Variants in SECISBP2L observed in about 807,000 individuals in gnomAD.
The protein encoded by SECISBP2L is SECIS binding protein 2 like.
A neutral mutation model predicts 114.7 loss-of-function variants in SECISBP2L; 43 were observed. The observed-to-expected ratio is 0.38, with a 90% CI of 0.29 to 0.48. The LOEUF is 0.48. Among genes scored for constraint, SECISBP2L ranks in the 20% least tolerant of loss-of-function variants. The pLI, the probability that SECISBP2L is intolerant of heterozygous loss-of-function variation, is 0.98. For missense variants in SECISBP2L, 1,136 were observed against 1,301.1 expected, an observed-to-expected ratio of 0.87 and a Z score of 1.95; for synonymous variants, 451 against 439.7, an observed-to-expected ratio of 1.03 and a Z score of -0.32.
Position 48,990,662 on chromosome 15 carries a change from C to G in SECISBP2L, c.*1582G>C, listed in dbSNP as rs1901954842. 6.6e-6 allele frequency: 1 copy of G among 152,612 alleles called. No homozygotes were observed. Among genetic ancestry groups the G allele is most frequent in the African/African-American group, 2.4e-5 (1 of 41,452 alleles). 9.5% of individuals were successfully genotyped at this position (152,612 alleles called of 1,614,324 possible). On this transcript the variant is annotated 3_prime_UTR_variant, in exon 18 of 18. Coordinates refer to ENST00000559471, the MANE Select transcript of SECISBP2L (RefSeq NM_001193489.2). ...ATGCCAGCATTATAAAACATCAAAACTAGCACAGTAGTCCCAATGAGTTCA... is the reference window on the plus strand; with the variant it reads ...ATGCCAGCATTATAAAACATCAAAAGTAGCACAGTAGTCCCAATGAGTTCA...
At chr15:49,009,069 C>A in intron 14 of SECISBP2L, 147 bp downstream of exon 14, 1 of 763,288 alleles carries the variant, frequency 1.3e-6, no homozygotes, top group Non-Finnish European at 2.1e-6. Context: ...AAATAATAAA[C>A]CCAGCTGTTA....
Position 49,019,548 on chromosome 15 carries a change from C to A in SECISBP2L, c.1040G>T (p.Gly347Val). ...AGTACTGTGTCCTCGGCATCTGAAT[C>A]CAACCTAAGTAAACCCCAGAGGGGA... ...QTEQRNNSQV[G>V]FRCRGHSTSS... The change falls in exon 8 of 18, where the codon GGA (glycine) becomes GTA (valine). Residue 347 changes from glycine to valine, a missense_variant. Coordinates refer to ENST00000559471, the MANE Select transcript of SECISBP2L (RefSeq NM_001193489.2). 3 of 1,473,546 alleles carry A rather than the reference C, an allele frequency of 2.0e-6. No individual in the cohort carries two copies. The highest frequency in any genetic ancestry group is 2.7e-6 in the Non-Finnish European group (3 of 1,123,982). 91.3% of individuals were successfully genotyped at this position (1,473,546 alleles called of 1,614,324 possible). A position where few individuals can be genotyped will look rare whatever the true frequency, so the allele number is the denominator to read the frequency against.
intron 5 of SECISBP2L, 77 bp downstream of exon 5, chr15:49,028,376 T>A (rs1300749256): frequency 7.2e-7 from 1 of 1,380,902 alleles, no homozygotes; most frequent in African/African-American, 1.4e-5. Context: ...AAACAGATAC[T>A]TAAGCTTTAG....
intron 14 of SECISBP2L, among the ~76,000 whole-genome samples, chr15:49,002,788 C>T (rs1595783334): frequency 6.6e-6 from 1 of 152,142 alleles, no homozygotes; most frequent in East Asian, 1.9e-4. Context: ...TTTCTGAGGC[C>T]TCTGGTCTCT....
intron 7 of SECISBP2L, among the ~76,000 whole-genome samples, chr15:49,022,802 C>T (rs991784641): frequency 6.6e-6 from 1 of 152,118 alleles, no homozygotes; most frequent in African/African-American, 2.4e-5. Context: ...AAGAGATCAA[C>T]TTTTCAACAA....
chr15:49,023,336 T>G (rs376707099), intron 7 of SECISBP2L, among the ~76,000 whole-genome samples: 2 of 152,142 alleles, frequency 1.3e-5, no homozygotes, highest in African/African-American at 4.8e-5. Context: ...ATACAAATGC[T>G]CCTTAAACAC....
chr15:49,024,279 C>T (rs1033961210), intron 7 of SECISBP2L, among the ~76,000 whole-genome samples: 6 of 151,928 alleles, frequency 3.9e-5, no homozygotes, highest in Non-Finnish European at 8.8e-5. Flanking sequence ...GGGTGGATCA[C>T]GAGGTCAGGA....
chr15:49,020,609 G>A (rs1902622606), intron 7 of SECISBP2L, among the ~76,000 whole-genome samples: 1 of 152,138 alleles, frequency 6.6e-6, no homozygotes, highest in Admixed American at 6.5e-5. Flanking sequence ...CTGGGCACAA[G>A]TGATTCTTTC....
At chr15:49,033,674 A>AAAAC (rs1229131227) in intron 3 of SECISBP2L, among the ~76,000 whole-genome samples, 2 of 152,050 alleles carry the variant, frequency 1.3e-5, no homozygotes, top group East Asian at 1.9e-4. Flanking sequence ...CAATCGCTAC[A>AAAAC]AAACAAACAA....
In SECISBP2L at chr15:48,997,831, T is replaced by C. The variant is rs545540354; in HGVS notation, c.2404-1245A>G. ...TTGTGGTGAGCCGAGATCATGCCAT[T>C]GCACTCCAGCCTGGGCAACAAGAGT... On this transcript the variant is annotated intron_variant, in intron 16 of 17. Coordinates refer to ENST00000559471, the MANE Select transcript of SECISBP2L (RefSeq NM_001193489.2). Among the ~76,000 whole-genome samples the C allele has an allele frequency of 2.1e-3, 316 of 152,236 alleles. 3 individuals carry two copies. Among genetic ancestry groups the C allele is most frequent in the African/African-American group, 7.4e-3 (309 of 41,550 alleles).
At chr15:48,997,957 G>A (rs1902128763) in intron 16 of SECISBP2L, among the ~76,000 whole-genome samples, 2 of 152,170 alleles carry the variant, frequency 1.3e-5, no homozygotes, top group African/African-American at 2.4e-5. Flanking sequence ...AAAGATTTAA[G>A]TTTCTACAGC....
intron 3 of SECISBP2L, among the ~76,000 whole-genome samples, chr15:49,034,664 C>CTTTGTT (rs1555387326): frequency 1.6e-5 from 1 of 63,372 alleles, no homozygotes. Context: ...GAAAGTATAT[C>CTTTGTT]TTTTGTTTTT....
At chr15:49,013,871 C>T (rs973155008) in intron 11 of SECISBP2L, among the ~76,000 whole-genome samples, 2 of 152,084 alleles carry the variant, frequency 1.3e-5, no homozygotes, top group African/African-American at 2.4e-5. Flanking sequence ...TTGCATCTTT[C>T]GAGTTCCTCC....
chr15:49,028,299 A>C lies in SECISBP2L; in HGVS notation c.895-131T>G. 7 of 981,344 alleles carry C rather than the reference A, an allele frequency of 7.1e-6. No individual in the cohort carries two copies. The South Asian group carries it at 1.2e-4, about 18-fold the overall frequency. The allele number at this position is 981,344 out of a possible 1,614,324, so 60.8% of individuals were successfully genotyped here. ...ATATTATCATACTTCTTCATAAATG[A>C]ATATTTTTATTAATAAAATACAAAA... On this transcript the variant is annotated intron_variant, in intron 5 of 17. Transcript: ENST00000559471.
chr15:49,046,023 C>T (rs1903240986), intron 1 of SECISBP2L, among the ~76,000 whole-genome samples: 1 of 152,208 alleles, frequency 6.6e-6, no homozygotes, highest in South Asian at 2.1e-4. Context: ...CCTTCTGACC[C>T]CTTCACCAAG....
chr15:49,036,173 G>A (rs984771230), intron 2 of SECISBP2L, among the ~76,000 whole-genome samples: 9 of 152,178 alleles, frequency 5.9e-5, no homozygotes, highest in Non-Finnish European at 1.3e-4. Context: ...GCCAAGTCCA[G>A]CTCTTTTCCT....
Position 48,992,137 on chromosome 15 carries a change from A to T in SECISBP2L, c.*107T>A. ...GCTACAAAAATATTTGTTGGGAATT[A>T]AATACGTATATTAAATACTGGACAG... On this transcript the variant is annotated 3_prime_UTR_variant, in exon 18 of 18. Coordinates refer to ENST00000559471, the MANE Select transcript of SECISBP2L (RefSeq NM_001193489.2). 2 of 1,025,084 alleles carry T rather than the reference A, an allele frequency of 2.0e-6. No individual in the cohort carries two copies. The highest frequency in any genetic ancestry group is 2.8e-6 in the Non-Finnish European group (2 of 707,906). 63.5% of individuals were successfully genotyped at this position (1,025,084 alleles called of 1,614,324 possible). A position where few individuals can be genotyped will look rare whatever the true frequency, so the allele number is the denominator to read the frequency against.
chr15:49,031,991 G>T (rs1902898648), intron 4 of SECISBP2L, among the ~76,000 whole-genome samples: 1 of 152,120 alleles, frequency 6.6e-6, no homozygotes, highest in South Asian at 2.1e-4. Context: ...AAAGCTTCAT[G>T]CCTTTATGCT....
intron 17 of SECISBP2L, chr15:48,995,979 C>A: frequency 5.4e-6 from 1 of 186,902 alleles, no homozygotes. Flanking sequence ...TGATCTATAA[C>A]TGACTGTGAA....
Sources: allele counts gnomAD v4.1 joint callset (sites outside exome capture counted in the v4.1 genomes callset), GRCh38; gene constraint gnomAD v4.1.1; transcripts MANE v1.5; gene names NCBI Gene and HGNC (gene_info 2026-07-23, HGNC 2026-07-21).